Variants in TRIM5 observed in about 807,000 individuals in gnomAD.
The protein encoded by TRIM5 is tripartite motif-containing protein 5.
TRIM5 carries 31 observed loss-of-function variants against 35.6 expected under a neutral mutation model. The ratio of observed to expected loss-of-function variants is 0.87; its 90% confidence interval spans 0.65 to 1.18. The LOEUF is 1.18. Among genes scored for constraint, TRIM5 ranks in the 50% most tolerant of loss-of-function variants. TRIM5 has a pLI of 0.00. For missense variants in TRIM5, 609 were observed against 591.6 expected (o/e 1.03, Z -0.31); for synonymous variants, 243 against 215.6 (o/e 1.13, Z -1.11).
intron 4 of TRIM5, among the ~76,000 whole-genome samples, chr11:5,669,080 CT>C (rs34310528): frequency 0.015 from 2,045 of 133,128 alleles, 7 homozygotes; most frequent in Middle Eastern, 0.039. Context: ...GGTCTACATT[CT>C]TTTTTTTTTT....
chr11:5,604,534 G>C, the TRIM5 span: 12 of 1,609,108 alleles, frequency 7.5e-6, no homozygotes, highest in Non-Finnish European at 1.0e-5. Flanking sequence ...TTTCTTCAAG[G>C]AGAAGTTTCA....
chr11:5,658,900 G>A (rs1850719571), downstream of TRIM5, among the ~76,000 whole-genome samples: 2 of 152,074 alleles, frequency 1.3e-5, no homozygotes, highest in African/African-American at 4.8e-5. Context: ...ACTATCACAA[G>A]GACAGAAAAC....
chr11:5,632,136 T>G, the TRIM5 span: 2 of 1,429,876 alleles, frequency 1.4e-6, no homozygotes, highest in Non-Finnish European at 1.8e-6. Context: ...ATTTTTGGTT[T>G]CTCTTCCTCA....
the TRIM5 span, among the ~76,000 whole-genome samples, chr11:5,601,577 G>A: frequency 6.6e-5 from 10 of 152,200 alleles, no homozygotes; most frequent in African/African-American, 2.4e-4. Context: ...GGCCAACATG[G>A]TAAAACCCTG....
At position 5,679,968 on chromosome 11, in the gene TRIM5, A is replaced by G; in HGVS notation, c.210T>C (p.Asn70=). 1 of 1,614,022 alleles carries G rather than the reference A, an allele frequency of 6.2e-7. No individual in the cohort carries two copies. The highest frequency in any genetic ancestry group is 1.1e-5 in the South Asian group (1 of 91,064). Residue 70 remains asparagine (N), a synonymous_variant, in exon 2 of 8, where the codon AAT becomes AAC. Coordinates refer to ENST00000380034, the MANE Select transcript of TRIM5 (RefSeq NM_033034.3). The stretch of plus-strand genomic sequence containing the variant: ...TCTCCACTATGTTGGCTACATGCCG[A>G]TTAGGCCGTATGTTCTCAGGCTGGT... ...ISYQPENIRP[N]RHVANIVEKL... is the part of the protein sequence containing the mutation.
the TRIM5 span, chr11:5,634,492 T>TACAC: frequency 0.019 from 4,423 of 227,726 alleles, 60 homozygotes; most frequent in East Asian, 0.044. Flanking sequence ...ATAATATAAA[T>TACAC]ACACACACAC....
chr11:5,613,894 T>C, the TRIM5 span, among the ~76,000 whole-genome samples: 1 of 63,214 alleles, frequency 1.6e-5, no homozygotes, highest in Non-Finnish European at 3.2e-5. Flanking sequence ...AACAGCTTTA[T>C]TGTGATATTT....
chr11:5,674,962 A>C (rs1851834270), intron 4 of TRIM5, among the ~76,000 whole-genome samples: 3 of 152,204 alleles, frequency 2.0e-5, no homozygotes, highest in Admixed American at 2.0e-4. Flanking sequence ...TATCTTCAAG[A>C]GATCTATTGC....
At chr11:5,591,415 G>C in the TRIM5 span, among the ~76,000 whole-genome samples, 1 of 152,140 alleles carries the variant, frequency 6.6e-6, no homozygotes, top group Non-Finnish European at 1.5e-5. Flanking sequence ...TTGGGAGGCC[G>C]AGGCGGGCAG....
chr11:5,601,526 G>A, the TRIM5 span, among the ~76,000 whole-genome samples: 1 of 152,134 alleles, frequency 6.6e-6, no homozygotes, highest in Non-Finnish European at 1.5e-5. Context: ...GGGAGGCCAA[G>A]GCAGGCAGAT....
the TRIM5 span, among the ~76,000 whole-genome samples, chr11:5,637,127 G>A: frequency 6.6e-6 from 1 of 151,908 alleles, no homozygotes; most frequent in Non-Finnish European, 1.5e-5. Flanking sequence ...GAGCCAAGAT[G>A]GCGCCACTGC....
At chr11:5,616,006 C>T in the TRIM5 span, among the ~76,000 whole-genome samples, 211 of 145,286 alleles carry the variant, frequency 1.5e-3, 1 homozygote, top group Middle Eastern at 0.027. Context: ...AGTTGAGTGA[C>T]GTGGCGCGAT....
At chr11:5,611,424 T>C in the TRIM5 span, 1 of 1,175,562 alleles carries the variant, frequency 8.5e-7, no homozygotes, top group East Asian at 2.3e-5. Flanking sequence ...CTTCTGTTTT[T>C]CTGTGTTCTC....
the TRIM5 span, chr11:5,645,751 C>G: frequency 3.8e-5 from 8 of 210,760 alleles, no homozygotes; most frequent in Non-Finnish European, 9.2e-6. Flanking sequence ...GGAAAAGCTT[C>G]ACTTTTGCTC....
intron 2 of TRIM5, 68 bp downstream of exon 2, chr11:5,679,693 A>C: frequency 6.7e-7 from 1 of 1,490,882 alleles, no homozygotes; most frequent in South Asian, 1.4e-5. Context: ...TTAATGTCAA[A>C]GGCAAAGTGA....
In TRIM5 at chr11:5,664,727, A is replaced by C. The variant is rs1299598754; in HGVS notation, c.*82T>G. ...GGAGACAGCAAGGAAAAGATGGTTA[A>C]AATGATGCAAATGAGTTCAGGTGTA... On this transcript the variant is annotated 3_prime_UTR_variant, in exon 8 of 8. Transcript: ENST00000380034. 1.3e-6 allele frequency: 2 copies of C among 1,490,608 alleles called. No homozygotes were observed. The highest frequency in any genetic ancestry group is 1.8e-6 in the Non-Finnish European group (2 of 1,124,180). The allele number at this position is 1,490,608 out of a possible 1,614,324, so 92.3% of individuals were successfully genotyped here. A position where few individuals can be genotyped will look rare whatever the true frequency, so the allele number is the denominator to read the frequency against.
chr11:5,682,018 C>T (rs1852505637), intron 1 of TRIM5, among the ~76,000 whole-genome samples: 1 of 152,084 alleles, frequency 6.6e-6, no homozygotes, highest in Non-Finnish European at 1.5e-5. Context: ...AGTCTGGTCT[C>T]CAACTCCTGA....
At chr11:5,673,917 T>C (rs1423477136) in intron 4 of TRIM5, among the ~76,000 whole-genome samples, 1 of 152,008 alleles carries the variant, frequency 6.6e-6, no homozygotes, top group East Asian at 1.9e-4. Flanking sequence ...AAGCAATTCA[T>C]TTATTAAACA....
intron 2 of TRIM5, 113 bp from the exon 3 acceptor site, chr11:5,679,282 T>C: frequency 1.1e-6 from 1 of 880,680 alleles, no homozygotes. Flanking sequence ...TTGCAGAAAC[T>C]GTGAGAATGG....
Sources: gnomAD v4.1 joint callset for allele counts (sites outside exome capture counted in the v4.1 genomes callset) on GRCh38, gnomAD v4.1.1 for gene constraint, MANE v1.5 for transcripts, NCBI Gene and HGNC (gene_info 2026-07-23, HGNC 2026-07-21) for gene names.